Variants in SGCZ observed in about 807,000 individuals in gnomAD.
The protein encoded by SGCZ is zeta-sarcoglycan.
A neutral mutation model predicts 41.3 loss-of-function variants in SGCZ; 40 were observed. The ratio of observed to expected loss-of-function variants is 0.97; its 90% confidence interval spans 0.75 to 1.26. The LOEUF is 1.26. Among genes scored for constraint, SGCZ ranks in the 50% most tolerant of loss-of-function variants. The pLI is 0.00. For synonymous variants in SGCZ, 206 were observed against 137.5 expected, an observed-to-expected ratio of 1.50 and a Z score of -3.49; for missense variants, 552 against 369.8, an observed-to-expected ratio of 1.49 and a Z score of -4.04.
chr8:14,867,283 T>C (rs950668731), intron 1 of SGCZ, among the ~76,000 whole-genome samples: 3 of 152,148 alleles, frequency 2.0e-5, no homozygotes, highest in South Asian at 2.1e-4. Context: ...GACATGATCA[T>C]GTCCTTTTTA....
rs1802329765 is a variant in SGCZ at position 14,507,163 on chromosome 8, C to T, written c.234+47569G>A. Among the ~76,000 whole-genome samples, 3 of 134,652 alleles carry T rather than the reference C, an allele frequency of 2.2e-5. 1 individual carries two copies. In the South Asian group the frequency reaches 6.8e-4, roughly 30 times the overall value. The allele number at this position is 134,652 out of a possible 152,430, so 88.3% of individuals were successfully genotyped here. On this transcript the variant is annotated intron_variant, in intron 2 of 7. Coordinates refer to ENST00000382080, the MANE Select transcript of SGCZ (RefSeq NM_139167.4). ...TTCTTCTTTGGACTATTCTCTTTCA[C>T]CCACCATATCCAATCTGCAAATCAA...
At chr8:14,685,839 A>G (rs1808594185) in intron 1 of SGCZ, among the ~76,000 whole-genome samples, 1 of 152,144 alleles carries the variant, frequency 6.6e-6, no homozygotes, top group African/African-American at 2.4e-5. Flanking sequence ...ATAAATGTTC[A>G]TTAAACAATG....
At chr8:14,612,956 G>C (rs1805977628) in intron 1 of SGCZ, among the ~76,000 whole-genome samples, 1 of 152,190 alleles carries the variant, frequency 6.6e-6, no homozygotes, top group Non-Finnish European at 1.5e-5. Flanking sequence ...AAAGTGCTGG[G>C]ATTACAGGCG....
At chr8:15,132,407 T>C (rs1807944704) in intron 1 of SGCZ, among the ~76,000 whole-genome samples, 1 of 152,152 alleles carries the variant, frequency 6.6e-6, no homozygotes, top group South Asian at 2.1e-4. Context: ...TACCAAATTT[T>C]CCTGTTCTTA....
chr8:14,594,137 T>C (rs935908201), intron 1 of SGCZ, among the ~76,000 whole-genome samples: 2 of 151,582 alleles, frequency 1.3e-5, no homozygotes, highest in Non-Finnish European at 2.9e-5. Flanking sequence ...ATTAGGCTAT[T>C]GCACTCCAGC....
At chr8:15,196,802 G>A (rs73667905) in intron 1 of SGCZ, among the ~76,000 whole-genome samples, 1,995 of 152,298 alleles carry the variant, frequency 0.013, 42 homozygotes, top group African/African-American at 0.046. Context: ...GGGCTGCAGG[G>A]TTTCCTCTTC....
At chr8:14,830,455 CTCTT>C (rs1368142658) in intron 1 of SGCZ, among the ~76,000 whole-genome samples, 4 of 151,944 alleles carry the variant, frequency 2.6e-5, no homozygotes, top group African/African-American at 9.7e-5. Flanking sequence ...TTTATTCTTC[CTCTT>C]TCTTTCTCTC....
chr8:14,552,528 A>C (rs1803903016), intron 2 of SGCZ, among the ~76,000 whole-genome samples: 1 of 152,048 alleles, frequency 6.6e-6, no homozygotes, highest in Non-Finnish European at 1.5e-5. Flanking sequence ...GGAAAACGTA[A>C]AAAAATAAAT....
chr8:14,876,983 T>C (rs2130714640), intron 1 of SGCZ, among the ~76,000 whole-genome samples: 1 of 152,234 alleles, frequency 6.6e-6, no homozygotes, highest in African/African-American at 2.4e-5. Flanking sequence ...CATTTTTATT[T>C]TTTTATTTTG....
At chr8:14,967,845 T>A (rs1163073829) in intron 1 of SGCZ, among the ~76,000 whole-genome samples, 1 of 152,166 alleles carries the variant, frequency 6.6e-6, no homozygotes, top group African/African-American at 2.4e-5. Context: ...TCTGCCTAAA[T>A]CTGCATGTTC....
intron 2 of SGCZ, among the ~76,000 whole-genome samples, chr8:14,499,542 T>A (rs1802091051): frequency 6.6e-6 from 1 of 152,196 alleles, no homozygotes; most frequent in South Asian, 2.1e-4. Flanking sequence ...TTATTTGAAT[T>A]TATTACAATT....
At chr8:15,044,213 C>T (rs1804217168) in intron 1 of SGCZ, among the ~76,000 whole-genome samples, 1 of 152,170 alleles carries the variant, frequency 6.6e-6, no homozygotes, top group Non-Finnish European at 1.5e-5. Context: ...TACAAAACCT[C>T]ACACTGCACT....
At chr8:15,140,821 T>C (rs1808292812) in intron 1 of SGCZ, among the ~76,000 whole-genome samples, 1 of 152,192 alleles carries the variant, frequency 6.6e-6, no homozygotes, top group African/African-American at 2.4e-5. Flanking sequence ...TTCATTTCTA[T>C]CTTCTCATGA....
chr8:14,513,420 T>C (rs960200871), intron 2 of SGCZ, among the ~76,000 whole-genome samples: 9 of 152,062 alleles, frequency 5.9e-5, no homozygotes, highest in African/African-American at 2.2e-4. Flanking sequence ...AAGACCAAAA[T>C]AAAAGAGCAA....
chr8:14,414,175 T>C (rs28554777), intron 2 of SGCZ, among the ~76,000 whole-genome samples: 4 of 151,790 alleles, frequency 2.6e-5, no homozygotes, highest in African/African-American at 9.7e-5. Context: ...AACACAGAAA[T>C]GAACGCACAC....
intron 1 of SGCZ, among the ~76,000 whole-genome samples, chr8:14,826,286 G>A (rs1489548553): frequency 1.3e-5 from 2 of 152,076 alleles, no homozygotes; most frequent in Admixed American, 6.6e-5. Flanking sequence ...TGGCTACATA[G>A]TATTCCATGG....
At chr8:14,577,804 A>G (rs527249646) in intron 1 of SGCZ, among the ~76,000 whole-genome samples, 26 of 152,324 alleles carry the variant, frequency 1.7e-4, no homozygotes, top group African/African-American at 6.0e-4. Flanking sequence ...TTCTGTGTGT[A>G]TTGTAATCAA....
intron 2 of SGCZ, among the ~76,000 whole-genome samples, chr8:14,384,718 C>T (rs556718724): frequency 6.6e-6 from 1 of 152,236 alleles, no homozygotes; most frequent in South Asian, 2.1e-4. Flanking sequence ...TGCCACCATA[C>T]CCGGCTAATT....
intron 1 of SGCZ, among the ~76,000 whole-genome samples, chr8:14,600,028 C>T (rs1585114091): frequency 6.6e-6 from 1 of 152,046 alleles, no homozygotes; most frequent in Admixed American, 6.6e-5. Context: ...GGTCTTTATC[C>T]TCAGCAAGGA....
Sources: allele counts gnomAD v4.1 joint callset (sites outside exome capture counted in the v4.1 genomes callset), GRCh38; gene constraint gnomAD v4.1.1; transcripts MANE v1.5; gene names NCBI Gene and HGNC (gene_info 2026-07-23, HGNC 2026-07-21).